The following ABCA6 variants were observed in gnomAD, a reference collection of about 807,000 sequenced individuals.
ABCA6 encodes ATP binding cassette subfamily A member 6.
In ABCA6, 164 loss-of-function variants were observed where a neutral mutation model predicts 191.2. The ratio of observed to expected loss-of-function variants is 0.86; its 90% CI spans 0.76 to 0.98. The LOEUF (loss-of-function observed/expected upper bound fraction) is 0.98. ABCA6 is among the 50% of genes least tolerant of loss of function. The pLI, the probability that ABCA6 is intolerant of heterozygous loss-of-function variation, is 0.00. For missense variants in ABCA6, 1,958 were observed against 1,894.1 expected (o/e 1.03, Z -0.63); for synonymous variants, 636 against 647.7 (o/e 0.98, Z 0.27).
chr17:69,109,357 C>A (rs569667677), intron 17 of ABCA6: 3 of 152,148 alleles, frequency 2.0e-5, no homozygotes, highest in Non-Finnish European at 4.4e-5. Flanking sequence ...CAGTGCCTAA[C>A]ACGTAGAAAA....
rs778551847 is a variant in ABCA6, at chr17:69,114,925, A to T, written c.1619T>A (p.Ile540Asn). ...LSVPTEGSVT[I>N]YNKNLSEMQD... ...CATTTCAGAGAGATTTTTATTATAG[A>T]TGGTAACTGATCCTAAGAATAGAAG... Residue 540 changes from isoleucine to asparagine, a missense_variant, in exon 13 of 39, where the codon ATC becomes AAC. Coordinates refer to ENST00000284425, the MANE Select transcript of ABCA6 (RefSeq NM_080284.3). 8.1e-6 allele frequency: 13 copies of T among 1,607,352 alleles called. No homozygotes were observed. The highest frequency in any genetic ancestry group is 5.1e-5 in the Admixed American group (3 of 59,388).
At chr17:69,083,115 C>A in intron 35 of ABCA6, 97 bp downstream of exon 35, 2 of 1,571,292 alleles carry the variant, frequency 1.3e-6, no homozygotes, top group South Asian at 1.2e-5. Context: ...ACCAAGGAAG[C>A]CAAACGGAAG....
At chr17:69,118,218 C>T (rs761080404) in intron 10 of ABCA6, among the ~76,000 whole-genome samples, 1 of 152,050 alleles carries the variant, frequency 6.6e-6, no homozygotes, top group Non-Finnish European at 1.5e-5. Flanking sequence ...TAATTATCCT[C>T]ACTTTCTTCC....
At chr17:69,119,690 C>G (rs1212388443) in intron 10 of ABCA6, among the ~76,000 whole-genome samples, 1 of 151,976 alleles carries the variant, frequency 6.6e-6, no homozygotes, top group Non-Finnish European at 1.5e-5. Flanking sequence ...CTGCACAAAG[C>G]TTAGTGCTTT....
intron 22 of ABCA6, 140 bp from the exon 23 acceptor site, chr17:69,098,167 G>C: frequency 2.0e-6 from 1 of 505,100 alleles, no homozygotes; most frequent in Non-Finnish European, 3.3e-6. Flanking sequence ...ACGAAGGTGG[G>C]AGGGAAAGTG....
intron 30 of ABCA6, among the ~76,000 whole-genome samples, chr17:69,086,234 A>G (rs1598442286): frequency 6.6e-6 from 1 of 152,238 alleles, no homozygotes; most frequent in African/African-American, 2.4e-5. Context: ...AAACTCTCCA[A>G]TGGTATTATG....
intron 4 of ABCA6, 144 bp from the exon 5 acceptor site, chr17:69,134,886 G>GTTTTTTT: frequency 7.9e-6 from 1 of 127,060 alleles, no homozygotes; most frequent in Non-Finnish European, 1.2e-5. Flanking sequence ...TGTTGTGGTT[G>GTTTTTTT]TCTTTTTTTT....
At chr17:69,107,209 G>A (rs1458687840) in intron 18 of ABCA6, among the ~76,000 whole-genome samples, 1 of 152,000 alleles carries the variant, frequency 6.6e-6, no homozygotes, top group Non-Finnish European at 1.5e-5. Flanking sequence ...AATGTTGAAG[G>A]CATATATATC....
chr17:69,087,363 A>T lies in ABCA6; in HGVS notation c.3809T>A (p.Ile1270Asn). 1 of 1,613,546 alleles carries T rather than the reference A, an allele frequency of 6.2e-7. No individual in the cohort carries two copies. Among genetic ancestry groups the T allele is most frequent in the Non-Finnish European group, 8.5e-7 (1 of 1,179,764 alleles). The change falls in exon 29 of 39, where the codon ATC becomes AAC. Residue 1270 changes from isoleucine to asparagine, a missense_variant. Ile to Asn is a moderately radical substitution (Grantham distance 149). Transcript: ENST00000284425. ...IRTATALTTS[I>N]LDEKPVIIAS... ...CCCTTGCTTTTTTACCTCATCTAAG[A>T]TTGAAGTGGTCAGAGCAGTGGCTGT...
intron 16 of ABCA6, chr17:69,111,901 A>C (rs1274859792): frequency 4.8e-5 from 12 of 248,008 alleles, no homozygotes; most frequent in Non-Finnish European, 6.9e-5. Flanking sequence ...GGTAGGAAGC[A>C]GGTAGAGGTT....
At position 69,099,219 on chromosome 17, in the gene ABCA6, A is replaced by G. The variant is rs529058612; in HGVS notation, c.3013-1192T>C. 3.3e-5 allele frequency among the ~76,000 whole-genome samples: 5 copies of G among 152,322 alleles called. 1 individual carries two copies. The highest frequency in any genetic ancestry group is 3.3e-4 in the Admixed American group (5 of 15,304). Reference sequence around the variant, plus strand: ...CTCTAGCAGCATCTAGGACCACCTCATGGATATAATTACAGGATAACAGCA... The same window carrying G: ...CTCTAGCAGCATCTAGGACCACCTCGTGGATATAATTACAGGATAACAGCA... On this transcript the variant is annotated intron_variant, in intron 22 of 38. Transcript: ENST00000284425.
intron 26 of ABCA6, 69 bp downstream of exon 26, chr17:69,091,074 T>G (rs1462742694): frequency 6.7e-7 from 1 of 1,499,362 alleles, no homozygotes. Context: ...CTGTCTCTCT[T>G]GATCTGGGAA....
Position 69,109,476 on chromosome 17 carries a change from T to C in ABCA6, c.2272+1325A>G, listed in dbSNP as rs369983243. 2.0e-4 allele frequency: 30 copies of C among 152,322 alleles called. No homozygotes were observed. In the East Asian group the frequency reaches 3.7e-3, roughly 19 times the overall value. 9.4% of individuals were successfully genotyped at this position (152,322 alleles called of 1,614,324 possible). ...GAGGGTTGAACACTTTTGTAGACTA[T>C]GTAAGTTGTTTTTCTCTGCAAAATA... On this transcript the variant is annotated intron_variant, in intron 17 of 38. Transcript: ENST00000284425.
intron 4 of ABCA6, chr17:69,135,225 G>A (rs1007807799): frequency 6.5e-6 from 1 of 153,294 alleles, no homozygotes; most frequent in African/African-American, 2.4e-5. Flanking sequence ...GCAAATAAAT[G>A]AAAGTTTTTA....
chr17:69,096,810 A>G lies in ABCA6; in HGVS notation c.3121-9T>C, dbSNP rs1424987322. On this transcript the variant is annotated splice_polypyrimidine_tract_variant and intron_variant, in intron 23 of 38. Transcript: ENST00000284425. ...TGGGACTTAGCATTTTTCTGATTAAAAAAAAAAAGAAAGAAAGAAATGTAT... is the reference window on the plus strand; with the variant it reads ...TGGGACTTAGCATTTTTCTGATTAAGAAAAAAAAGAAAGAAAGAAATGTAT... 1.3e-6 allele frequency: 2 copies of G among 1,522,564 alleles called. No homozygotes were observed. The highest frequency in any genetic ancestry group is 1.7e-6 in the Non-Finnish European group (2 of 1,146,082). The allele number at this position is 1,522,564 out of a possible 1,614,324, so 94.3% of individuals were successfully genotyped here. A position where few individuals can be genotyped will look rare whatever the true frequency, so the allele number is the denominator to read the frequency against.
intron 22 of ABCA6, among the ~76,000 whole-genome samples, chr17:69,098,994 CTGA>C (rs1192600057): frequency 6.6e-6 from 1 of 152,134 alleles, no homozygotes; most frequent in Admixed American, 6.6e-5. Context: ...GTTAGGACCT[CTGA>C]TGAACATATA....
intron 8 of ABCA6, among the ~76,000 whole-genome samples, chr17:69,126,995 G>A (rs2073765947): frequency 6.6e-6 from 1 of 152,124 alleles, no homozygotes; most frequent in African/African-American, 2.4e-5. Context: ...AGGCATTTTG[G>A]CCAATACATG....
At chr17:69,136,939 G>A (rs557919592) in intron 3 of ABCA6, among the ~76,000 whole-genome samples, 1 of 151,848 alleles carries the variant, frequency 6.6e-6, no homozygotes, top group Non-Finnish European at 1.5e-5. Context: ...TTATTTAGAT[G>A]TTTTTTTCCT....
chr17:69,110,830 A>G lies in ABCA6; in HGVS notation c.2243T>C (p.Leu748Ser). Residue 748 changes from leucine (L) to serine (S), a missense_variant, in exon 17 of 39, where the codon TTG becomes TCG. Physicochemically the swap from Leu to Ser is moderately radical, Grantham distance 145. Coordinates refer to ENST00000284425, the MANE Select transcript of ABCA6 (RefSeq NM_080284.3). ...TENKEKLVYT[L>S]PLERTNTFPD... is the part of the protein sequence containing the mutation. The stretch of plus-strand genomic sequence containing the variant: ...AAATGTATTTGTCCTTTCCAGTGGC[A>G]AAGTATATACAAGCTTTTCTTTGTT... 1 of 1,610,352 alleles carries G rather than the reference A, an allele frequency of 6.2e-7. No homozygotes were observed. The highest frequency in any genetic ancestry group is 8.5e-7 in the Non-Finnish European group (1 of 1,178,302).
Sources: allele counts gnomAD v4.1 joint callset (sites outside exome capture counted in the v4.1 genomes callset), GRCh38; gene constraint gnomAD v4.1.1; transcripts MANE v1.5; gene names NCBI Gene and HGNC (gene_info 2026-07-23, HGNC 2026-07-21).